Variants in MICALL2 observed in about 807,000 individuals in gnomAD.
The protein encoded by MICALL2 is MICAL-like protein 2.
A neutral mutation model predicts 91.1 loss-of-function variants in MICALL2; 111 were observed. The observed-to-expected ratio is 1.22, with a 90% CI of 1.04 to 1.43. The LOEUF is 1.43. MICALL2 is among the 40% of genes most tolerant of loss of function. MICALL2 has a pLI of 0.00. For missense variants in MICALL2, 1,556 were observed against 1,236.0 expected (o/e 1.26, Z -3.88); for synonymous variants, 694 against 525.3 (o/e 1.32, Z -4.39).
rs1272109054 is a variant in MICALL2 at position 1,452,296 on chromosome 7, T to C, written c.144-2008A>G. 6.6e-6 allele frequency among the ~76,000 whole-genome samples: 1 copy of C among 152,160 alleles called. No homozygotes were observed. Among genetic ancestry groups the C allele is most frequent in the Non-Finnish European group, 1.5e-5 (1 of 68,010 alleles). On this transcript the variant is annotated intron_variant, in intron 1 of 16. Transcript: ENST00000297508. This position sits in a 1 kb window ranked among gnomAD's most constrained non-coding sequence, Gnocchi z 6.2. Reference sequence around the variant, plus strand: ...GCTCGGGCCTGGGCCGATGCCTCTGTCTGCCTGGGCTTGTCCCCCGAGAGG... The same window carrying C: ...GCTCGGGCCTGGGCCGATGCCTCTGCCTGCCTGGGCTTGTCCCCCGAGAGG...
At chr7:1,441,568 G>C (rs1780279116) in intron 7 of MICALL2, 1 of 154,428 alleles carries the variant, frequency 6.5e-6, no homozygotes, top group African/African-American at 2.4e-5. Context: ...AGCCTAGGAG[G>C]CACCAGAGCC....
intron 1 of MICALL2, among the ~76,000 whole-genome samples, chr7:1,455,467 C>T (rs1780981664): frequency 6.6e-6 from 1 of 152,206 alleles, no homozygotes; most frequent in African/African-American, 2.4e-5. Flanking sequence ...GGCAGGGGAC[C>T]CGCCCACCCT....
chr7:1,435,110 C>T lies in MICALL2; in HGVS notation c.2629G>A (p.Glu877Lys), dbSNP rs1779901684. 1 of 1,613,552 alleles carries T rather than the reference C, an allele frequency of 6.2e-7. No individual in the cohort carries two copies. The highest frequency in any genetic ancestry group is 2.2e-5 in the East Asian group (1 of 44,858). ...TCCCCGGCCCAGTCACCCAGCTTCT[C>T]AATCATGTCCCGCAGCATCTGATCC... ...EEDQMLRDMI[E>K]KLGLQRKKSK... The change falls in exon 16 of 17, where the codon GAG becomes AAG. Residue 877 changes from glutamate to lysine, a missense_variant. Coordinates refer to ENST00000297508, the MANE Select transcript of MICALL2 (RefSeq NM_182924.4).
At chr7:1,458,935 G>A (rs1461295672) in intron 1 of MICALL2, among the ~76,000 whole-genome samples, 1 of 152,250 alleles carries the variant, frequency 6.6e-6, no homozygotes, top group Non-Finnish European at 1.5e-5. Flanking sequence ...CCAGGGCCCA[G>A]GAGCCGCCCT....
In MICALL2 at chr7:1,442,268, G is replaced by C; in HGVS notation, c.1635C>G (p.Val545=). 1.2e-6 allele frequency: 2 copies of C among 1,612,872 alleles called. No homozygotes were observed. Among genetic ancestry groups the C allele is most frequent in the South Asian group, 1.1e-5 (1 of 91,078 alleles). Residue 545 remains valine, a synonymous_variant, in exon 7 of 17, where the codon GTC becomes GTG. Coordinates refer to ENST00000297508, the MANE Select transcript of MICALL2 (RefSeq NM_182924.4). ...GCCTGGAGCCAGCACCCACCCTGCCGACCCCTGAGGATTCCGCCAAGTTCC... is the reference window on the plus strand; with the variant it reads ...GCCTGGAGCCAGCACCCACCCTGCCCACCCCTGAGGATTCCGCCAAGTTCC... ...GRRNLAESSG[V]GRVGAGSRPK...
Position 1,444,654 on chromosome 7 carries a change from G to A in MICALL2, c.1416C>T (p.Gly472=), listed in dbSNP as rs1489373218. ...TCCCTCGGTCCCCACGCGCTCACCT[G>A]CCAGGCGCCGGAGCGCCAGCCTCTT... ...ALEEAGAPAP[G]RPSPATAAVP... is the part of the protein sequence containing the mutation. Residue 472 remains glycine (G), a splice_region_variant and synonymous_variant, in exon 6 of 17, where the codon GGC becomes GGT. Transcript: ENST00000297508. 20 of 1,608,912 alleles carry A rather than the reference G, an allele frequency of 1.2e-5. No individual in the cohort carries two copies. The highest frequency in any genetic ancestry group is 1.6e-5 in the Non-Finnish European group (19 of 1,179,458).
At position 1,445,342 on chromosome 7, in the gene MICALL2, G is replaced by C. The variant is rs1780523830; in HGVS notation, c.728C>G (p.Pro243Arg). The C allele has an allele frequency of 6.2e-7, 1 of 1,604,612 alleles. No homozygotes were observed. The highest frequency in any genetic ancestry group is 1.7e-5 in the Admixed American group (1 of 59,614). Reference protein sequence around the residue: ...PGTFVCTSHLPAAASASPKLT... With the variant: ...PGTFVCTSHLRAAASASPKLT... ...CTTGGGGCTTGCAGAGGCGGCTGCG[G>C]GGAGGTGGCTGGTGCAGACGAAGGT... Residue 243 changes from proline (P) to arginine (R), a missense_variant, in exon 6 of 17, where the codon CCC becomes CGC. By Grantham distance (103) the Pro-to-Arg change is moderately radical. Coordinates refer to ENST00000297508, the MANE Select transcript of MICALL2 (RefSeq NM_182924.4).
At chr7:1,443,632 G>A (rs1289545104) in intron 6 of MICALL2, among the ~76,000 whole-genome samples, 2 of 152,134 alleles carry the variant, frequency 1.3e-5, no homozygotes, top group East Asian at 1.9e-4. Context: ...AGACAGAAGA[G>A]GAGAAGACAG....
chr7:1,443,596 T>C (rs575277763), intron 6 of MICALL2, among the ~76,000 whole-genome samples: 1 of 152,294 alleles, frequency 6.6e-6, no homozygotes, highest in African/African-American at 2.4e-5. Flanking sequence ...GGGTGGACCC[T>C]AGTCCAACAA....
chr7:1,456,607 A>ATAG (rs1781027714), intron 1 of MICALL2, among the ~76,000 whole-genome samples: 9 of 151,908 alleles, frequency 5.9e-5, no homozygotes, highest in African/African-American at 1.9e-4. Flanking sequence ...TAAATAAATA[A>ATAG]ATAGATAAAA....
chr7:1,450,951 T>A (rs1426377772), intron 1 of MICALL2, among the ~76,000 whole-genome samples: 1 of 152,194 alleles, frequency 6.6e-6, no homozygotes, highest in African/African-American at 2.4e-5. Flanking sequence ...TATGTCTGCA[T>A]CTCACAGAGA....
At chr7:1,435,683 C>G (rs1779933663) in intron 15 of MICALL2, among the ~76,000 whole-genome samples, 2 of 152,370 alleles carry the variant, frequency 1.3e-5, no homozygotes, top group South Asian at 4.1e-4. Context: ...TGAGACGAGA[C>G]AGGAAAGCTG....
chr7:1,438,150 G>A lies in MICALL2; in HGVS notation c.2258C>T (p.Ala753Val), dbSNP rs1780071076. Reference protein sequence around the residue: ...QLQDIERRLDALELRGVELEK... With the variant: ...QLQDIERRLDVLELRGVELEK... Reference sequence around the variant, plus strand: ...CAGCTCCACGCCGCGGAGCTCCAGGGCGTCCAGCCGCCTCTCGATGTCCTG... The same window carrying A: ...CAGCTCCACGCCGCGGAGCTCCAGGACGTCCAGCCGCCTCTCGATGTCCTG... Residue 753 changes from alanine to valine, a missense_variant, in exon 12 of 17, where the codon GCC becomes GTC. Ala to Val is a moderately conservative substitution (Grantham distance 64, BLOSUM62 0). Transcript: ENST00000297508. 2 of 1,561,306 alleles carry A rather than the reference G, an allele frequency of 1.3e-6. No individual in the cohort carries two copies. Among genetic ancestry groups the A allele is most frequent in the Non-Finnish European group, 1.7e-6 (2 of 1,153,274 alleles).
chr7:1,439,068 A>G (rs927108250), intron 9 of MICALL2, 73 bp from the exon 10 acceptor site: 6 of 1,216,578 alleles, frequency 4.9e-6, no homozygotes, highest in Non-Finnish European at 6.8e-6. Context: ...GTCCCAGCAC[A>G]GCCAACAGCT....
chr7:1,440,665 C>T lies in MICALL2; in HGVS notation c.1731G>A (p.Gln577=). The T allele has an allele frequency of 2.5e-6, 4 of 1,612,202 alleles. No homozygotes were observed. The highest frequency in any genetic ancestry group is 3.4e-6 in the Non-Finnish European group (4 of 1,179,900). Residue 577 remains glutamine, a synonymous_variant, in exon 8 of 17, where the codon CAG becomes CAA. Coordinates refer to ENST00000297508, the MANE Select transcript of MICALL2 (RefSeq NM_182924.4). ...CTGCCGGCCCGTCCTCCTGGCCTTCCTGGAGGCTGGTGCTCATGTCTGGGT... is the reference window on the plus strand; with the variant it reads ...CTGCCGGCCCGTCCTCCTGGCCTTCTTGGAGGCTGGTGCTCATGTCTGGGT... ...TLTQDMSTSL[Q]EGQEDGPAGW... is the part of the protein sequence containing the mutation.
Position 1,445,181 on chromosome 7 carries a change from T to C in MICALL2, c.889A>G (p.Arg297Gly), listed in dbSNP as rs1431924101. The change falls in exon 6 of 17, where the codon AGG (arginine) becomes GGG (glycine). Residue 297 changes from arginine to glycine, a missense_variant. Physicochemically the swap from Arg to Gly is moderately radical, Grantham distance 125. Coordinates refer to ENST00000297508, the MANE Select transcript of MICALL2 (RefSeq NM_182924.4). ...TTGGGTGCAGCTGGAACGGAAGCCC[T>C]GGCAGGCGAGTTGCCCGCAGCAGGC... ...WEPAAGNSPA[R>G]ASVPAAPNPA... 6.3e-7 allele frequency: 1 copy of C among 1,590,390 alleles called. No individual in the cohort carries two copies. Among genetic ancestry groups the C allele is most frequent in the Non-Finnish European group, 8.5e-7 (1 of 1,169,610 alleles).
intron 13 of MICALL2, 45 bp from the exon 14 acceptor site, chr7:1,437,653 C>T (rs1233740089): frequency 3.3e-6 from 5 of 1,523,474 alleles, no homozygotes; most frequent in South Asian, 2.4e-5. Context: ...GCCGCCCTGT[C>T]CCCCGCCTGG....
intron 1 of MICALL2, among the ~76,000 whole-genome samples, chr7:1,456,790 C>T (rs919294745): frequency 3.9e-5 from 6 of 151,966 alleles, no homozygotes; most frequent in Non-Finnish European, 7.4e-5. Context: ...AGCAAAGGGC[C>T]CAGGCACCCA....
chr7:1,448,044 G>A (rs1284291673), intron 3 of MICALL2: 3 of 158,486 alleles, frequency 1.9e-5, no homozygotes, highest in Non-Finnish European at 2.7e-5. Flanking sequence ...GAATGGTTCT[G>A]GGGATTTCTA....
Sources: allele counts gnomAD v4.1 joint callset (sites outside exome capture counted in the v4.1 genomes callset), GRCh38; gene constraint gnomAD v4.1.1; non-coding constraint Gnocchi (gnomAD v3.1); transcripts MANE v1.5; gene names NCBI Gene and HGNC (gene_info 2026-07-23, HGNC 2026-07-21).